Variants in SNTB1 observed in about 807,000 individuals in gnomAD.
The protein encoded by SNTB1 is syntrophin beta 1.
SNTB1 carries 36 observed loss-of-function variants against 48.9 expected under a neutral mutation model. The ratio of observed to expected loss-of-function variants is 0.74; its 90% CI spans 0.56 to 0.97. The LOEUF (loss-of-function observed/expected upper bound fraction) is 0.97, where lower values mean the gene tolerates loss of function less well. Ranked by LOEUF, SNTB1 falls within the 50% of genes least tolerant of loss-of-function variation. The probability of loss-of-function intolerance (pLI) is 0.00; values close to 1 mark genes in which losing one functional copy is unlikely to be tolerated. For synonymous variants in SNTB1, 299 were observed against 294.6 expected (o/e 1.01, Z -0.15); for missense variants, 786 against 703.4 (o/e 1.12, Z -1.33).
chr8:120,704,394 T>C (rs1818349266), intron 1 of SNTB1, among the ~76,000 whole-genome samples: 1 of 152,046 alleles, frequency 6.6e-6, no homozygotes, highest in South Asian at 2.1e-4. Flanking sequence ...AAGTTGAGGC[T>C]GCAGTGAGCT....
At chr8:120,743,300 T>A (rs943004572) in intron 1 of SNTB1, among the ~76,000 whole-genome samples, 1 of 152,202 alleles carries the variant, frequency 6.6e-6, no homozygotes, top group African/African-American at 2.4e-5. Context: ...TGTTTTATTA[T>A]CATTTGGGGT....
intron 3 of SNTB1, among the ~76,000 whole-genome samples, chr8:120,576,408 G>A (rs1005751114): frequency 5.3e-5 from 8 of 152,158 alleles, no homozygotes; most frequent in Non-Finnish European, 1.0e-4. Context: ...AGTGGAATCC[G>A]TATAGAGATA....
intron 1 of SNTB1, among the ~76,000 whole-genome samples, chr8:120,753,255 T>C (rs1034734919): frequency 6.6e-6 from 1 of 152,160 alleles, no homozygotes; most frequent in Non-Finnish European, 1.5e-5. Flanking sequence ...TCCACCCACA[T>C]GCTAGGTTCC....
chr8:120,571,109 A>G (rs1416560994), intron 4 of SNTB1: 10 of 811,482 alleles, frequency 1.2e-5, no homozygotes, highest in Non-Finnish European at 1.6e-5. Context: ...GAATGAATGA[A>G]AAAGCAGTCC....
At chr8:120,793,215 A>T (rs187615012) in intron 1 of SNTB1, among the ~76,000 whole-genome samples, 240 of 152,122 alleles carry the variant, frequency 1.6e-3, no homozygotes, top group African/African-American at 5.6e-3. Flanking sequence ...CTTATTTGGC[A>T]TAAGGAGAGG....
chr8:120,548,616 T>G (rs1365641212), intron 5 of SNTB1, 146 bp downstream of exon 5: 23 of 685,542 alleles, frequency 3.4e-5, no homozygotes, highest in Non-Finnish European at 5.7e-5. Context: ...GGTATAGACC[T>G]CCTTAATTTA....
intron 2 of SNTB1, among the ~76,000 whole-genome samples, chr8:120,661,195 TAAA>T: frequency 6.9e-6 from 1 of 144,034 alleles, no homozygotes; most frequent in African/African-American, 2.5e-5. Context: ...TTCAATTTGT[TAAA>T]AAAAAAAAAG....
intron 1 of SNTB1, among the ~76,000 whole-genome samples, chr8:120,700,157 G>A (rs1357736729): frequency 1.5e-5 from 1 of 64,550 alleles, no homozygotes; most frequent in Non-Finnish European, 2.4e-5. Context: ...AAAAAATTGC[G>A]TGTGTGTGTG....
At chr8:120,624,449 A>AC (rs765089277) in intron 3 of SNTB1, among the ~76,000 whole-genome samples, 2 of 152,074 alleles carry the variant, frequency 1.3e-5, no homozygotes, top group Non-Finnish European at 2.9e-5. Flanking sequence ...TAGCTAACTC[A>AC]CGCCCATGAT....
At chr8:120,664,646 A>G (rs1258383951) in intron 2 of SNTB1, among the ~76,000 whole-genome samples, 1 of 152,242 alleles carries the variant, frequency 6.6e-6, no homozygotes, top group Non-Finnish European at 1.5e-5. Flanking sequence ...TTACGTGGAT[A>G]CAGCACTGTT....
chr8:120,799,429 G>A (rs1296467178), intron 1 of SNTB1, among the ~76,000 whole-genome samples: 1 of 151,896 alleles, frequency 6.6e-6, no homozygotes, highest in African/African-American at 2.4e-5. Flanking sequence ...AGACAGACAA[G>A]CAAAGATAAT....
chr8:120,781,695 A>C (rs1039566164), intron 1 of SNTB1, among the ~76,000 whole-genome samples: 2 of 152,202 alleles, frequency 1.3e-5, no homozygotes, highest in African/African-American at 4.8e-5. Context: ...AAAACAGAGA[A>C]TGGACTCATT....
chr8:120,661,303 T>C (rs555455144), intron 2 of SNTB1, among the ~76,000 whole-genome samples: 125 of 152,072 alleles, frequency 8.2e-4, no homozygotes, highest in African/African-American at 2.9e-3. Flanking sequence ...GTTAAATGCA[T>C]GAATGAATGA....
intron 2 of SNTB1, among the ~76,000 whole-genome samples, chr8:120,669,959 T>C (rs1413150725): frequency 1.3e-5 from 2 of 152,218 alleles, no homozygotes; most frequent in East Asian, 3.8e-4. Flanking sequence ...GCTAAGTCAC[T>C]GTTGTAGCCT....
intron 3 of SNTB1, among the ~76,000 whole-genome samples, chr8:120,596,886 A>G (rs1171475954): frequency 3.9e-5 from 6 of 152,196 alleles, no homozygotes; most frequent in Admixed American, 1.3e-4. Context: ...AAGGTCCATA[A>G]CTTTAATTAC....
At chr8:120,777,067 T>C (rs1563598878) in intron 1 of SNTB1, among the ~76,000 whole-genome samples, 2 of 152,198 alleles carry the variant, frequency 1.3e-5, no homozygotes, top group Non-Finnish European at 2.9e-5. Flanking sequence ...CCACTAGATT[T>C]AGAACGGGGA....
At chr8:120,575,632 G>T (rs756137981) in intron 3 of SNTB1, among the ~76,000 whole-genome samples, 1 of 152,090 alleles carries the variant, frequency 6.6e-6, no homozygotes, top group East Asian at 1.9e-4. Flanking sequence ...ATATCTAAAG[G>T]CTCTGAAAAA....
chr8:120,806,817 C>T (rs1472273905), intron 1 of SNTB1, among the ~76,000 whole-genome samples: 2 of 152,200 alleles, frequency 1.3e-5, no homozygotes, highest in East Asian at 1.9e-4. Flanking sequence ...AGAATCTGTA[C>T]ATCCTAAATA....
chr8:120,765,957 A>G (rs1819515229), intron 1 of SNTB1: 1 of 152,176 alleles, frequency 6.6e-6, no homozygotes, highest in African/African-American at 2.4e-5. Flanking sequence ...ATGTAAGAAA[A>G]CAAACCCCTA....
Sources: gnomAD v4.1 joint callset for allele counts (sites outside exome capture counted in the v4.1 genomes callset) on GRCh38, gnomAD v4.1.1 for gene constraint, MANE v1.5 for transcripts, NCBI Gene and HGNC (gene_info 2026-07-23, HGNC 2026-07-21) for gene names.